Variants in GPR37 observed in about 807,000 individuals in gnomAD.
GPR37 encodes prosaposin receptor GPR37.
A neutral mutation model predicts 43.6 loss-of-function variants in GPR37; 20 were observed. The observed-to-expected ratio is 0.46, with a 90% CI of 0.32 to 0.67. The LOEUF (loss-of-function observed/expected upper bound fraction) is 0.67. GPR37 is among the 30% of genes least tolerant of loss of function. GPR37 has a pLI of 0.03. For missense variants in GPR37, 724 were observed against 797.2 expected (o/e 0.91, Z 1.11); for synonymous variants, 315 against 322.6 (o/e 0.98, Z 0.25).
intron 1 of GPR37, among the ~76,000 whole-genome samples, chr7:124,750,809 A>T (rs1254450417): frequency 2.0e-5 from 3 of 152,140 alleles, no homozygotes; most frequent in Non-Finnish European, 2.9e-5. Context: ...AAAGCAAAAC[A>T]ATGTTTTTCC....
At chr7:124,748,871 A>G (rs1793703000) in intron 1 of GPR37, among the ~76,000 whole-genome samples, 1 of 152,122 alleles carries the variant, frequency 6.6e-6, no homozygotes, top group Non-Finnish European at 1.5e-5. Context: ...CAGGAATATA[A>G]ACACATGTTC....
Position 124,746,601 on chromosome 7 carries a change from G to A in GPR37, c.1766C>T (p.Thr589Met), listed in dbSNP as rs149031046. The change falls in exon 2 of 2, where the codon ACG becomes ATG. Residue 589 changes from threonine (T) to methionine (M), a missense_variant. By Grantham distance (81) the Thr-to-Met change is moderately conservative. Coordinates refer to ENST00000303921, the MANE Select transcript of GPR37 (RefSeq NM_005302.5). ...TSDDNDNEYT[T>M]ELELSPFSTI... ...ACTGAAAGGCGAGAGTTCGAGTTCCGTGGTGTACTCGTTGTCATTGTCATC... is the reference window on the plus strand; with the variant it reads ...ACTGAAAGGCGAGAGTTCGAGTTCCATGGTGTACTCGTTGTCATTGTCATC... 16,557 of 1,613,798 alleles carry A rather than the reference G, an allele frequency of 0.01. 220 individuals are homozygous for A. Among genetic ancestry groups the A allele is most frequent in the Non-Finnish European group, 9.7e-3 (11,404 of 1,179,766 alleles).
chr7:124,763,890 C>A (rs543450330), intron 1 of GPR37, 64 bp downstream of exon 1: 4 of 1,420,896 alleles, frequency 2.8e-6, no homozygotes, highest in Admixed American at 1.8e-5. Flanking sequence ...AGCAGCAGTT[C>A]TCTGATGCTA....
At position 124,764,114 on chromosome 7, in the gene GPR37, T is replaced by C; in HGVS notation, c.863A>G (p.His288Arg). Residue 288 changes from histidine to arginine, a missense_variant, in exon 1 of 2, where the codon CAC becomes CGC. Physicochemically the swap from His to Arg is conservative, Grantham distance 29. Coordinates refer to ENST00000303921, the MANE Select transcript of GPR37 (RefSeq NM_005302.5). The surrounding 1 kb of genome is among the most constrained non-coding windows in gnomAD (Gnocchi z 5.4). Reference protein sequence around the residue: ...GNLAVMCIVCHNYYMRSISNS... With the variant: ...GNLAVMCIVCRNYYMRSISNS... ...GGAGATGCTCCGCATGTAGTAGTTG[T>C]GGCACACGATGCACATCACCGCCAG... 1 of 1,613,276 alleles carries C rather than the reference T, an allele frequency of 6.2e-7. No individual in the cohort carries two copies. The highest frequency in any genetic ancestry group is 8.5e-7 in the Non-Finnish European group (1 of 1,179,544).
At chr7:124,747,712 G>C (rs1486922712) in intron 1 of GPR37, among the ~76,000 whole-genome samples, 5 of 152,042 alleles carry the variant, frequency 3.3e-5, no homozygotes, top group African/African-American at 9.7e-5. Flanking sequence ...TAGATAAGGA[G>C]TCAGGGTAGT....
In GPR37 at chr7:124,747,122, C is replaced by T. The variant is rs775256152; in HGVS notation, c.1245G>A (p.Pro415=). ...AGATCTTAATAATGCACCTTTCTGC[C>T]GGAGCTCGGCCACTAAACCCCAAAT... is the stretch of plus-strand genomic sequence containing the variant. ...KEDLGFSGRA[P]AERCIIKISP... The change falls in exon 2 of 2, where the codon CCG becomes CCA. Residue 415 remains proline (P), a synonymous_variant. Transcript: ENST00000303921. The T allele has an allele frequency of 9.3e-6, 15 of 1,613,802 alleles. No individual in the cohort carries two copies. The highest frequency in any genetic ancestry group is 6.7e-5 in the East Asian group (3 of 44,874).
rs895567447 is a variant in GPR37, at chr7:124,746,560, T to A, written c.1807A>T (p.Met603Leu). The change falls in exon 2 of 2, where the codon ATG becomes TTG. Residue 603 changes from methionine to leucine, a missense_variant. Met to Leu is a conservative substitution (Grantham distance 15, BLOSUM62 2). Transcript: ENST00000303921. ...LSPFSTIRRE[M>L]STFASVGTHC is the part of the protein sequence containing the mutation. ...GTTCCGACAGAAGCAAAAGTGGACA[T>A]TTCACGGCGTATGGTACTGAAAGGC... The A allele has an allele frequency of 8.7e-6, 14 of 1,611,484 alleles. No individual in the cohort carries two copies. The Admixed American group carries it at 1.7e-4, about 19-fold the overall frequency.
In GPR37 at chr7:124,764,323, C is replaced by T; in HGVS notation, c.654G>A (p.Ala218=). 1.2e-6 allele frequency: 2 copies of T among 1,610,610 alleles called. No homozygotes were observed. Among genetic ancestry groups the T allele is most frequent in the East Asian group, 4.5e-5 (2 of 44,818 alleles). ...CACCCAAGGATCCATTCTGGGCCAGCGCCCGGCCCGGGAGTGCAATTGTCC... is the reference window on the plus strand; with the variant it reads ...CACCCAAGGATCCATTCTGGGCCAGTGCCCGGCCCGGGAGTGCAATTGTCC... ...EGWTIALPGR[A]LAQNGSLGEG... Residue 218 remains alanine (A), a synonymous_variant, in exon 1 of 2, where the codon GCG becomes GCA. Transcript: ENST00000303921. This position sits in a 1 kb window ranked among gnomAD's most constrained non-coding sequence, Gnocchi z 5.4.
rs1793905876 is a variant in GPR37 at position 124,765,159 on chromosome 7, AATC to A, written c.-186_-184del. 1.9e-6 allele frequency: 1 copy of A among 513,848 alleles called. No homozygotes were observed. Among genetic ancestry groups the A allele is most frequent in the Admixed American group, 3.8e-5 (1 of 26,392 alleles). The allele number at this position is 513,848 out of a possible 1,614,324, so 31.8% of individuals were successfully genotyped here. A position where few individuals can be genotyped will look rare whatever the true frequency, so the allele number is the denominator to read the frequency against. ...TGGGGGTCACACACACGCCCCCTATAATCCTTCCTCCTTTGGCATCTTGTGCAT... is the reference window on the plus strand; with the variant it reads ...TGGGGGTCACACACACGCCCCCTATACTTCCTCCTTTGGCATCTTGTGCAT... On this transcript the variant is annotated 5_prime_UTR_variant, in exon 1 of 2. Coordinates refer to ENST00000303921, the MANE Select transcript of GPR37 (RefSeq NM_005302.5).
Position 124,746,834 on chromosome 7 carries a change from G to A in GPR37, c.1533C>T (p.Cys511=). 2.5e-6 allele frequency: 4 copies of A among 1,614,068 alleles called. No homozygotes were observed. Among genetic ancestry groups the A allele is most frequent in the Non-Finnish European group, 3.4e-6 (4 of 1,179,960 alleles). The stretch of plus-strand genomic sequence containing the variant: ...TAGCCATGTAGGCAGTAACAATGTT[G>A]CAGATATTTTCAGGAATAATGCAAA... ...YGFCIIPENI[C]NIVTAYMATG... The change falls in exon 2 of 2, where the codon TGC becomes TGT. Residue 511 remains cysteine, a synonymous_variant. Coordinates refer to ENST00000303921, the MANE Select transcript of GPR37 (RefSeq NM_005302.5).
In GPR37 at chr7:124,762,444, A is replaced by G. The variant is rs1793861507; in HGVS notation, c.1023+1510T>C. The stretch of plus-strand genomic sequence containing the variant: ...GAGGTACCTCTCTTGTCCGCTTTAT[A>G]CTTTTGTCTCTTTCTTGCATAAGTC... On this transcript the variant is annotated intron_variant, in intron 1 of 1. Transcript: ENST00000303921. Among the ~76,000 whole-genome samples, 6 of 151,502 alleles carry G rather than the reference A, an allele frequency of 4.0e-5. No individual in the cohort carries two copies. In the South Asian group the frequency reaches 1.3e-3, roughly 32 times the overall value.
Position 124,746,556 on chromosome 7 carries a change from G to A in GPR37, c.1811C>T (p.Ser604Phe). 6.2e-7 allele frequency: 1 copy of A among 1,610,502 alleles called. No individual in the cohort carries two copies. Among genetic ancestry groups the A allele is most frequent in the Non-Finnish European group, 8.5e-7 (1 of 1,178,132 alleles). The change falls in exon 2 of 2, where the codon TCC (serine) becomes TTC (phenylalanine). Residue 604 changes from serine to phenylalanine, a missense_variant. Transcript: ENST00000303921. ...SPFSTIRREM[S>F]TFASVGTHC ...ATGAGTTCCGACAGAAGCAAAAGTGGACATTTCACGGCGTATGGTACTGAA... is the reference window on the plus strand; with the variant it reads ...ATGAGTTCCGACAGAAGCAAAAGTGAACATTTCACGGCGTATGGTACTGAA...
Position 124,764,774 on chromosome 7 carries a change from C to G in GPR37, c.203G>C (p.Arg68Pro), listed in dbSNP as rs1793896890. 2 of 1,613,008 alleles carry G rather than the reference C, an allele frequency of 1.2e-6. No homozygotes were observed. The highest frequency in any genetic ancestry group is 1.7e-6 in the Non-Finnish European group (2 of 1,179,982). Residue 68 changes from arginine (R) to proline (P), a missense_variant, in exon 1 of 2, where the codon CGA (arginine) becomes CCA (proline). By Grantham distance (103) the Arg-to-Pro change is moderately radical. This residue lies in a region of GPR37 where 382 missense variants were observed against 355.4 expected (regional missense o/e 1.07). Transcript: ENST00000303921. This position sits in a 1 kb window ranked among gnomAD's most constrained non-coding sequence, Gnocchi z 5.4. ...GPGNSARDVL[R>P]ARAPREEQGA... ...CTGCTCCTCCCTGGGTGCTCGGGCT[C>G]GCAGAACGTCTCTTGCAGAATTTCC...
At chr7:124,754,882 C>T (rs971088200) in intron 1 of GPR37, among the ~76,000 whole-genome samples, 1 of 152,110 alleles carries the variant, frequency 6.6e-6, no homozygotes, top group Non-Finnish European at 1.5e-5. Flanking sequence ...CTTCTTCTTG[C>T]ATTTTTCCAT....
intron 1 of GPR37, among the ~76,000 whole-genome samples, chr7:124,748,874 A>G (rs1793703073): frequency 6.6e-6 from 1 of 152,054 alleles, no homozygotes; most frequent in South Asian, 2.1e-4. Flanking sequence ...GAATATAAAC[A>G]CATGTTCCTA....
rs753068893 is a variant in GPR37, at chr7:124,764,268, G to A, written c.709C>T (p.Arg237Trp). The A allele has an allele frequency of 1.9e-6, 3 of 1,599,004 alleles. No individual in the cohort carries two copies. Among genetic ancestry groups the A allele is most frequent in the South Asian group, 1.1e-5 (1 of 88,478 alleles). ...EGIHEPGGPR[R>W]GNSTNRRVRL... ...ACACGCCGGTTCGTGCTGTTTCCCC[G>A]GCGGGGACCCCCAGGCTCATGGATT... The change falls in exon 1 of 2, where the codon CGG becomes TGG. Residue 237 changes from arginine to tryptophan, a missense_variant. Physicochemically the swap from Arg to Trp is moderately radical, Grantham distance 101 (BLOSUM62 -3). Transcript: ENST00000303921. This position sits in a 1 kb window ranked among gnomAD's most constrained non-coding sequence, Gnocchi z 5.4.
Position 124,747,230 on chromosome 7 carries a change from T to C in GPR37, c.1137A>G (p.Thr379=). 6.2e-7 allele frequency: 1 copy of C among 1,613,932 alleles called. No individual in the cohort carries two copies. The highest frequency in any genetic ancestry group is 2.2e-5 in the East Asian group (1 of 44,864). Residue 379 remains threonine (T), a synonymous_variant, in exon 2 of 2, where the codon ACA becomes ACG. Transcript: ENST00000303921. Reference sequence around the variant, plus strand: ...CCCATATAACAGCAAGTTTGGCAGTTGTTGAGGAACAGTTTTCGATCATTT... The same window carrying C: ...CCCATATAACAGCAAGTTTGGCAGTCGTTGAGGAACAGTTTTCGATCATTT... The part of the protein sequence containing the change: ...YYEMIENCSS[T]TAKLAVIWVG...
Position 124,746,639 on chromosome 7 carries a change from T to G in GPR37, c.1728A>C (p.Ser576=), listed in dbSNP as rs62638684. The change falls in exon 2 of 2, where the codon TCA becomes TCC. Residue 576 remains serine (S), a synonymous_variant. Coordinates refer to ENST00000303921, the MANE Select transcript of GPR37 (RefSeq NM_005302.5). ...CCCEECIQKS[S]TVTSDDNDNE... ...TGTCATTGTCATCACTGGTCACCGT[T>G]GAAGACTTCTGAATGCATTCCTCAC... 696 of 1,613,930 alleles carry G rather than the reference T, an allele frequency of 4.3e-4. 6 individuals carry two copies. In the African/African-American group the frequency reaches 8.5e-3, roughly 20 times the overall value.
At chr7:124,757,226 G>A (rs1584725894) in intron 1 of GPR37, among the ~76,000 whole-genome samples, 1 of 151,232 alleles carries the variant, frequency 6.6e-6, no homozygotes, top group Non-Finnish European at 1.5e-5. Flanking sequence ...TTTTTCAGAA[G>A]AAAAGGACTC....
Sources: gnomAD v4.1 joint callset for allele counts (sites outside exome capture counted in the v4.1 genomes callset) on GRCh38, gnomAD v4.1.1 for gene constraint, gnomAD v4.1.1 regional missense constraint, Gnocchi (gnomAD v3.1) non-coding constraint, MANE v1.5 for transcripts, NCBI Gene and HGNC (gene_info 2026-07-23, HGNC 2026-07-21) for gene names.